The following SLC9D1 variants were observed in gnomAD, a reference collection of about 807,000 sequenced individuals.
The protein encoded by SLC9D1 is solute carrier family 9 member D1, also known as putative LAG1-interacting protein.
the SLC9D1 span, chr13:113,533,964 A>G: frequency 9.0e-7 from 1 of 1,113,586 alleles, no homozygotes; most frequent in Non-Finnish European, 1.3e-6. Flanking sequence ...CATGTTAAAG[A>G]AAAAAACTGA....
At chr13:113,496,080 G>A in the SLC9D1 span, 2 of 1,216,068 alleles carry the variant, frequency 1.6e-6, no homozygotes, top group Non-Finnish European at 2.3e-6. Flanking sequence ...GAGGTGAAGA[G>A]AGAGGGAGAG....
chr13:113,512,893 A>T, the SLC9D1 span, among the ~76,000 whole-genome samples: 1 of 144,824 alleles, frequency 6.9e-6, no homozygotes, highest in African/African-American at 2.6e-5. Context: ...GTCAGTATAT[A>T]TGGACTCGGA....
At chr13:113,509,530 G>A in the SLC9D1 span, among the ~76,000 whole-genome samples, 92 of 152,266 alleles carry the variant, frequency 6.0e-4, no homozygotes, top group Middle Eastern at 3.4e-3. Context: ...CCTATGTTTA[G>A]CCACACAGCC....
the SLC9D1 span, among the ~76,000 whole-genome samples, chr13:113,508,369 C>A: frequency 6.6e-6 from 1 of 152,214 alleles, no homozygotes; most frequent in Non-Finnish European, 1.5e-5. Flanking sequence ...GAGTAACCCC[C>A]ACGCCCGTGG....
At chr13:113,547,876 T>C in the SLC9D1 span, among the ~76,000 whole-genome samples, 1 of 152,104 alleles carries the variant, frequency 6.6e-6, no homozygotes, top group African/African-American at 2.4e-5. Flanking sequence ...GTGATGATCG[T>C]TGGACCACTC....
the SLC9D1 span, among the ~76,000 whole-genome samples, chr13:113,492,609 G>A: frequency 6.6e-6 from 1 of 152,174 alleles, no homozygotes; most frequent in Non-Finnish European, 1.5e-5. Flanking sequence ...TGCTCAAGAT[G>A]CAGAAATTCT....
the SLC9D1 span, among the ~76,000 whole-genome samples, chr13:113,541,318 G>A: frequency 2.2e-3 from 330 of 148,926 alleles, no homozygotes; most frequent in Non-Finnish European, 4.0e-3. Flanking sequence ...CTTTATTACC[G>A]CTGAGTTGTG....
chr13:113,536,355 T>C, the SLC9D1 span, among the ~76,000 whole-genome samples: 3 of 151,912 alleles, frequency 2.0e-5, no homozygotes, highest in East Asian at 5.8e-4. Context: ...AAAAAAAAGT[T>C]TCCATTTAAA....
chr13:113,512,191 G>A, the SLC9D1 span, among the ~76,000 whole-genome samples: 2 of 144,886 alleles, frequency 1.4e-5, no homozygotes, highest in Non-Finnish European at 3.0e-5. Flanking sequence ...GCAGAGGGCC[G>A]GAGTGTAGAT....
At chr13:113,544,670 C>T in the SLC9D1 span, among the ~76,000 whole-genome samples, 3,584 of 152,340 alleles carry the variant, frequency 0.024, 127 homozygotes, top group African/African-American at 0.075. Context: ...AGGTGTCTGG[C>T]GAGGGCCATG....
the SLC9D1 span, among the ~76,000 whole-genome samples, chr13:113,543,812 T>C: frequency 3.9e-5 from 6 of 151,944 alleles, no homozygotes; most frequent in Non-Finnish European, 7.4e-5. Context: ...TTGCCTTGTC[T>C]TCAAACTAGA....
the SLC9D1 span, among the ~76,000 whole-genome samples, chr13:113,494,876 G>A: frequency 6.8e-6 from 1 of 148,110 alleles, no homozygotes; most frequent in Non-Finnish European, 1.5e-5. Flanking sequence ...CGATAACATG[G>A]ACTTTCTGTT....
chr13:113,511,212 T>C, the SLC9D1 span, among the ~76,000 whole-genome samples: 1 of 152,034 alleles, frequency 6.6e-6, no homozygotes, highest in South Asian at 2.1e-4. Context: ...GTCACTGTTT[T>C]GCTCTTATTT....
At chr13:113,524,669 G>A in the SLC9D1 span, among the ~76,000 whole-genome samples, 10 of 151,926 alleles carry the variant, frequency 6.6e-5, no homozygotes, top group African/African-American at 1.2e-4. Context: ...TTTCCTTGCC[G>A]TGTAATTCAC....
the SLC9D1 span, chr13:113,503,632 A>T: frequency 7.5e-7 from 1 of 1,341,026 alleles, no homozygotes; most frequent in South Asian, 1.2e-5. Flanking sequence ...GGAGCTTCAC[A>T]TCATGTGGTT....
the SLC9D1 span, chr13:113,539,534 T>C: frequency 1.9e-6 from 3 of 1,607,664 alleles, no homozygotes; most frequent in East Asian, 6.7e-5. The surrounding 1 kb of genome is among the most constrained non-coding windows in gnomAD (Gnocchi z 4.8). Flanking sequence ...ACATTATGAT[T>C]GTGTTGGTTA....
the SLC9D1 span, among the ~76,000 whole-genome samples, chr13:113,508,890 G>C: frequency 6.6e-4 from 101 of 152,358 alleles, no homozygotes; most frequent in African/African-American, 2.3e-3. Context: ...ATGCTCCAAA[G>C]CACCCAAGGT....
At chr13:113,498,600 G>A in the SLC9D1 span, 287 of 1,170,354 alleles carry the variant, frequency 2.5e-4, 2 homozygotes, top group East Asian at 4.3e-3. Flanking sequence ...AATTGTTCAC[G>A]TGTATGTTTT....
the SLC9D1 span, among the ~76,000 whole-genome samples, chr13:113,491,567 G>T: frequency 1.3e-5 from 2 of 151,896 alleles, no homozygotes; most frequent in East Asian, 1.9e-4. Flanking sequence ...TCTCCTCGGG[G>T]CTCCCCTTTT....
Sources: allele counts gnomAD v4.1 joint callset (sites outside exome capture counted in the v4.1 genomes callset), GRCh38; gene constraint gnomAD v4.1.1; non-coding constraint Gnocchi (gnomAD v3.1); transcripts MANE v1.5; gene names NCBI Gene and HGNC (gene_info 2026-07-23, HGNC 2026-07-21).